Variants in ZNF552 observed in about 807,000 individuals in gnomAD.
ZNF552 encodes the protein zinc finger protein 552.
A neutral mutation model predicts 7.2 loss-of-function variants in ZNF552; 2 were observed. That is an observed-to-expected ratio of 0.28 (90% CI 0.11 to 0.88). The LOEUF (loss-of-function observed/expected upper bound fraction) is 0.88. ZNF552 is among the 40% of genes least tolerant of loss of function. The pLI is 0.60. For missense variants in ZNF552, 421 were observed against 493.4 expected (o/e 0.85, Z 1.39); for synonymous variants, 173 against 176.5 (o/e 0.98, Z 0.16).
In ZNF552 at chr19:57,814,864, C is replaced by A; in HGVS notation, c.-121G>T. ...CTGGATCCAGTCACCACCACGGTCC[C>A]AACACAGCGCTCCAAGGACTCCCTA... On this transcript the variant is annotated 5_prime_UTR_variant, in exon 1 of 3. Coordinates refer to ENST00000391701, the MANE Select transcript of ZNF552 (RefSeq NM_024762.3). 1 of 1,043,226 alleles carries A rather than the reference C, an allele frequency of 9.6e-7. No individual in the cohort carries two copies. Among genetic ancestry groups the A allele is most frequent in the Non-Finnish European group, 1.4e-6 (1 of 727,228 alleles). 64.6% of individuals were successfully genotyped at this position (1,043,226 alleles called of 1,614,324 possible).
At position 57,808,616 on chromosome 19, in the gene ZNF552, T is replaced by C; in HGVS notation, c.648A>G (p.Gly216=). Residue 216 remains glycine, a synonymous_variant, in exon 3 of 3, where the codon GGA becomes GGG. Coordinates refer to ENST00000391701, the MANE Select transcript of ZNF552 (RefSeq NM_024762.3). ...HGGKSHYSCG[G]CMKHFSTKDI... is the part of the protein sequence containing the mutation. ...CTTTGGTGCTAAAATGTTTCATGCA[T>C]CCTCCACAGCTGTAATGGCTTTTTC... The C allele has an allele frequency of 6.2e-7, 1 of 1,614,172 alleles. No individual in the cohort carries two copies. Among genetic ancestry groups the C allele is most frequent in the South Asian group, 1.1e-5 (1 of 91,082 alleles).
At chr19:57,814,494 C>A in intron 1 of ZNF552, 2 of 1,534,684 alleles carry the variant, frequency 1.3e-6, no homozygotes, top group Non-Finnish European at 1.7e-6. Context: ...CTCCCGGATC[C>A]GTCCATCTCC....
In ZNF552 at chr19:57,808,361, A is replaced by G. The variant is rs1987782802; in HGVS notation, c.903T>C (p.Cys301=). 6.2e-7 allele frequency: 1 copy of G among 1,612,980 alleles called. No individual in the cohort carries two copies. Among genetic ancestry groups the G allele is most frequent in the African/African-American group, 1.3e-5 (1 of 74,900 alleles). Residue 301 remains cysteine, a synonymous_variant, in exon 3 of 3, where the codon TGT becomes TGC. Transcript: ENST00000391701. ...GGTACTTGTGCCTAAAAAATTTCTG[A>G]CAAACCTCACACTCATATGGCTTCT... is the stretch of plus-strand genomic sequence containing the variant. ...TGEKPYECEV[C]QKFFRHKYHL...
chr19:57,813,188 A>G, intron 2 of ZNF552, 106 bp downstream of exon 2: 3 of 1,546,618 alleles, frequency 1.9e-6, no homozygotes, highest in Admixed American at 3.9e-5. Context: ...GAACTGAAGT[A>G]GGAAGCTGTG....
chr19:57,809,757 A>G (rs1207162412), intron 2 of ZNF552, among the ~76,000 whole-genome samples: 1 of 152,202 alleles, frequency 6.6e-6, no homozygotes, highest in Non-Finnish European at 1.5e-5. Context: ...CAATGTAGGA[A>G]GATCACCTGA....
rs1037904242 is a variant in ZNF552 at position 57,808,565 on chromosome 19, C to A, written c.699G>T (p.Leu233=). The A allele has an allele frequency of 6.2e-7, 1 of 1,614,048 alleles. No homozygotes were observed. Among genetic ancestry groups the A allele is most frequent in the African/African-American group, 1.3e-5 (1 of 74,926 alleles). ...TKDILSQHER[L]LPTEEPSVWC... ...ACACAGAAGGTTCTTCTGTAGGGAG[C>A]AGTCTCTCGTGCTGACTGAGTATAT... Residue 233 remains leucine, a synonymous_variant, in exon 3 of 3, where the codon CTG becomes CTT. Transcript: ENST00000391701.
intron 2 of ZNF552, among the ~76,000 whole-genome samples, chr19:57,812,085 C>T (rs899939013): frequency 6.7e-6 from 1 of 150,138 alleles, no homozygotes; most frequent in Non-Finnish European, 1.5e-5. Flanking sequence ...CCTGTATTCC[C>T]AGCTTCTCAG....
rs1173360513 is a variant in ZNF552 at position 57,808,401 on chromosome 19, C to G, written c.863G>C (p.Arg288Thr). 1 of 1,613,494 alleles carries G rather than the reference C, an allele frequency of 6.2e-7. No homozygotes were observed. The highest frequency in any genetic ancestry group is 8.5e-7 in the Non-Finnish European group (1 of 1,179,772). Residue 288 changes from arginine (R) to threonine (T), a missense_variant, in exon 3 of 3, where the codon AGA becomes ACA. Transcript: ENST00000391701. ...NSKSHLLVHQRIHTGEKPYEC... is the reference protein window; with the variant it reads ...NSKSHLLVHQTIHTGEKPYEC... ...ATATGGCTTCTCTCCAGTGTGAATT[C>G]TCTGGTGTACAAGGAGGTGGGACTT...
chr19:57,812,028 C>CAA (rs35699223), intron 2 of ZNF552, among the ~76,000 whole-genome samples: 5,202 of 63,074 alleles, frequency 0.082, 743 homozygotes, highest in African/African-American at 0.29. Flanking sequence ...GACTCTGTCT[C>CAA]AAAAAAAAAA....
chr19:57,813,085 A>C, intron 2 of ZNF552: 3 of 738,686 alleles, frequency 4.1e-6, no homozygotes, highest in Non-Finnish European at 6.2e-6. Flanking sequence ...AAGACTTCTG[A>C]CTCTGAATTC....
chr19:57,813,734 C>CTTTTTTT (rs528034833), intron 1 of ZNF552, among the ~76,000 whole-genome samples: 1 of 86,244 alleles, frequency 1.2e-5, no homozygotes, highest in Non-Finnish European at 2.1e-5. Flanking sequence ...GCACCTCATT[C>CTTTTTTT]TTTTTTTTTT....
chr19:57,813,101 TG>T, intron 2 of ZNF552, 192 bp downstream of exon 2: 1 of 876,376 alleles, frequency 1.1e-6, no homozygotes, highest in Non-Finnish European at 1.7e-6. Flanking sequence ...AATTCTTCCC[TG>T]GGAGCTCAAT....
intron 2 of ZNF552, among the ~76,000 whole-genome samples, chr19:57,810,454 C>A (rs1338283405): frequency 6.6e-6 from 1 of 152,068 alleles, no homozygotes; most frequent in Admixed American, 6.5e-5. Context: ...AATCTGTAAC[C>A]CTACTCCCAA....
chr19:57,810,245 G>C (rs993157278), intron 2 of ZNF552, among the ~76,000 whole-genome samples: 1 of 152,004 alleles, frequency 6.6e-6, no homozygotes, highest in Non-Finnish European at 1.5e-5. Context: ...AGAGCTGGGC[G>C]GATCACCTGA....
intron 2 of ZNF552, among the ~76,000 whole-genome samples, chr19:57,810,334 GA>G (rs1987830166): frequency 6.6e-6 from 1 of 152,128 alleles, no homozygotes; most frequent in South Asian, 2.1e-4. Context: ...AGCCTTTGGG[GA>G]AAAGAAAGAG....
At chr19:57,814,556 C>G in intron 1 of ZNF552, 155 bp downstream of exon 1, 1 of 1,547,188 alleles carries the variant, frequency 6.5e-7, no homozygotes, top group East Asian at 2.4e-5. Flanking sequence ...CACCGCATCC[C>G]ACGGGTGTCT....
At chr19:57,814,059 TCC>T (rs1376083921) in intron 1 of ZNF552, among the ~76,000 whole-genome samples, 1 of 152,064 alleles carries the variant, frequency 6.6e-6, no homozygotes, top group Non-Finnish European at 1.5e-5. Flanking sequence ...TTGTATGCGT[TCC>T]TTAAATGCTT....
chr19:57,808,430 G>A lies in ZNF552; in HGVS notation c.834C>T (p.Asn278=). ...YTCGICGKLF[N]SKSHLLVHQR... ...GGTGTACAAGGAGGTGGGACTTACT[G>A]TTAAATAATTTCCCACATATCCCAC... Residue 278 remains asparagine, a synonymous_variant, in exon 3 of 3, where the codon AAC becomes AAT. Coordinates refer to ENST00000391701, the MANE Select transcript of ZNF552 (RefSeq NM_024762.3). The A allele has an allele frequency of 6.2e-7, 1 of 1,613,880 alleles. No individual in the cohort carries two copies. The highest frequency in any genetic ancestry group is 8.5e-7 in the Non-Finnish European group (1 of 1,179,898).
chr19:57,814,603 C>G (rs1235139014), intron 1 of ZNF552, 108 bp downstream of exon 1: 11 of 1,592,040 alleles, frequency 6.9e-6, no homozygotes, highest in African/African-American at 2.7e-5. Context: ...CTCAGTGTCC[C>G]GACGCCGGGT....
Sources: gnomAD v4.1 joint callset for allele counts (sites outside exome capture counted in the v4.1 genomes callset) on GRCh38, gnomAD v4.1.1 for gene constraint, MANE v1.5 for transcripts, NCBI Gene and HGNC (gene_info 2026-07-23, HGNC 2026-07-21) for gene names.